PFKFB3: variants seen among roughly 807,000 people sequenced by gnomAD.
The protein encoded by PFKFB3 is 6-phosphofructo-2-kinase/fructose-2,6-biphosphatase 3.
PFKFB3 carries 33 observed loss-of-function variants against 68.0 expected under a neutral mutation model. That is an observed-to-expected ratio of 0.49 (90% CI 0.37 to 0.65). PFKFB3 has a LOEUF of 0.65. Ranked by LOEUF, PFKFB3 falls within the 30% of genes least tolerant of loss-of-function variation. The probability of loss-of-function intolerance (pLI) is 0.00; values close to 1 mark genes in which losing one functional copy is unlikely to be tolerated. For missense variants in PFKFB3, 586 were observed against 712.2 expected, an observed-to-expected ratio of 0.82 and a Z score of 2.02; for synonymous variants, 315 against 288.2, an observed-to-expected ratio of 1.09 and a Z score of -0.94.
intron 1 of PFKFB3, among the ~76,000 whole-genome samples, chr10:6,168,242 T>C (rs968959571): frequency 1.1e-4 from 16 of 152,194 alleles, no homozygotes; most frequent in Admixed American, 3.9e-4. Flanking sequence ...TCCACTTTGC[T>C]CCCACTTGCT....
At position 6,196,664 on chromosome 10, in the gene PFKFB3, C is replaced by T. The variant is rs574560065; in HGVS notation, c.17-16959C>T. On this transcript the variant is annotated intron_variant, in intron 1 of 14. Transcript: ENST00000379789. ...CCACGGTCTTCTGCCTGCTTTTGTT[C>T]GGGCCCTGCTGGCAGCTGATTAGAT... Among the ~76,000 whole-genome samples the T allele has an allele frequency of 1.2e-3, 180 of 152,216 alleles. 2 individuals are homozygous for T. The highest frequency in any genetic ancestry group is 4.0e-3 in the African/African-American group (168 of 41,534).
At chr10:6,297,625 G>C in the PFKFB3 span, among the ~76,000 whole-genome samples, 4 of 152,218 alleles carry the variant, frequency 2.6e-5, no homozygotes, top group Admixed American at 6.5e-5. Flanking sequence ...TGAGGGGTAC[G>C]TGGAGGACGT....
intron 1 of PFKFB3, among the ~76,000 whole-genome samples, chr10:6,205,644 C>T (rs997757175): frequency 2.0e-5 from 3 of 152,124 alleles, no homozygotes; most frequent in African/African-American, 7.2e-5. Context: ...CCGCCCACCT[C>T]AGCCTCCCAA....
intron 1 of PFKFB3, among the ~76,000 whole-genome samples, chr10:6,196,671 T>G (rs908408023): frequency 6.6e-6 from 1 of 152,162 alleles, no homozygotes; most frequent in African/African-American, 2.4e-5. Context: ...GTTCGGGCCC[T>G]GCTGGCAGCT....
At chr10:6,255,792 G>C (rs1237436119), downstream of PFKFB3, among the ~76,000 whole-genome samples, 1 of 152,202 alleles carries the variant, frequency 6.6e-6, no homozygotes, top group Non-Finnish European at 1.5e-5. Context: ...GTACGAAGCT[G>C]ATGGAAAAGT....
In PFKFB3 at chr10:6,224,084, G is replaced by A. The variant is rs56080569; in HGVS notation, c.1276+64G>A. ...GTGGCCACAGTAGCTTCTTGTGGCC[G>A]TGGGCTGTAAGCGGTGCTGTCCCTT... is the stretch of plus-strand genomic sequence containing the variant. On this transcript the variant is annotated intron_variant, in intron 12 of 14. Coordinates refer to ENST00000379775, the MANE Select transcript of PFKFB3 (RefSeq NM_004566.4). 6.7e-4 allele frequency: 1,075 copies of A among 1,609,828 alleles called. 6 individuals are homozygous for A. In the African/African-American group the frequency reaches 0.012, roughly 18 times the overall value.
chr10:6,246,470 G>A (rs1846263237), intron 14 of PFKFB3, among the ~76,000 whole-genome samples: 1 of 151,522 alleles, frequency 6.6e-6, no homozygotes, highest in South Asian at 2.1e-4. Flanking sequence ...CTCCTGCGTA[G>A]CTGGGACTGC....
At chr10:6,252,321 T>A (rs1846400187) in intron 14 of PFKFB3, among the ~76,000 whole-genome samples, 1 of 152,228 alleles carries the variant, frequency 6.6e-6, no homozygotes, top group African/African-American at 2.4e-5. Context: ...TCCTTTGCGA[T>A]TTTTTTCTTT....
chr10:6,200,682 G>GGGGGGGGGGGGGGGGGGT (rs1843316340), upstream of PFKFB3, among the ~76,000 whole-genome samples: 1 of 101,436 alleles, frequency 9.9e-6, no homozygotes, highest in Non-Finnish European at 2.3e-5. Context: ...GGGGCGGGGG[G>GGGGGGGGGGGGGGGGGGT]TGGTGGTGGG....
the PFKFB3 span, among the ~76,000 whole-genome samples, chr10:6,275,771 C>T: frequency 6.6e-6 from 1 of 152,112 alleles, no homozygotes; most frequent in Non-Finnish European, 1.5e-5. The surrounding 1 kb of genome is among the most constrained non-coding windows in gnomAD (Gnocchi z 4.9). Flanking sequence ...TGGGCCACCA[C>T]GCCCGGCTAA....
chr10:6,191,335 G>A (rs1214058900), intron 1 of PFKFB3, among the ~76,000 whole-genome samples: 1 of 152,238 alleles, frequency 6.6e-6, no homozygotes, highest in Non-Finnish European at 1.5e-5. Flanking sequence ...AAGACCCGTT[G>A]CGTGCCAAGG....
At chr10:6,275,168 C>A in the PFKFB3 span, among the ~76,000 whole-genome samples, 1 of 152,204 alleles carries the variant, frequency 6.6e-6, no homozygotes, top group Non-Finnish European at 1.5e-5. This position sits in a 1 kb window ranked among gnomAD's most constrained non-coding sequence, Gnocchi z 4.9. Context: ...ACTTGGGGGC[C>A]TTGTGCCAGG....
At chr10:6,308,536 A>C in the PFKFB3 span, among the ~76,000 whole-genome samples, 36 of 152,318 alleles carry the variant, frequency 2.4e-4, no homozygotes, top group African/African-American at 7.9e-4. Context: ...TAAAATAAAC[A>C]GGGAAGAAAA....
rs371431289 is a variant in PFKFB3 at position 6,166,824 on chromosome 10, T to C, written c.16+21811T>C. 4.9e-3 allele frequency among the ~76,000 whole-genome samples: 378 copies of C among 76,994 alleles called. 7 individuals carry two copies. In the South Asian group the frequency reaches 0.13, roughly 27 times the overall value. The allele number at this position is 76,994 out of a possible 152,430, so 50.5% of individuals were successfully genotyped here. On this transcript the variant is annotated intron_variant, in intron 1 of 14. Coordinates refer to the PFKFB3 transcript ENST00000379789. ...ACTTCTCCTAGCCCTTCTTCTTCTT[T>C]TTTTTTTTTTTTTTTTTTATTTGAG... is the stretch of plus-strand genomic sequence containing the variant.
chr10:6,219,989 TACAGGAA>T (rs1246619682), intron 7 of PFKFB3, among the ~76,000 whole-genome samples: 1 of 152,092 alleles, frequency 6.6e-6, no homozygotes, highest in Non-Finnish European at 1.5e-5. Flanking sequence ...TGTGTAGAAG[TACAGGAA>T]GTCAACATAG....
intron 1 of PFKFB3, among the ~76,000 whole-genome samples, chr10:6,148,118 G>A (rs968356391): frequency 6.6e-5 from 10 of 152,202 alleles, no homozygotes; most frequent in South Asian, 2.1e-4. Flanking sequence ...AAGACATGGT[G>A]TCTCCTCCCT....
chr10:6,237,166 A>G (rs117465892), downstream of PFKFB3, among the ~76,000 whole-genome samples: 2 of 152,210 alleles, frequency 1.3e-5, no homozygotes, highest in Non-Finnish European at 2.9e-5. Context: ...CCATTCAGTT[A>G]TCAAAGCCTA....
intron 1 of PFKFB3, among the ~76,000 whole-genome samples, chr10:6,156,275 T>A (rs984636863): frequency 1.3e-5 from 2 of 150,912 alleles, no homozygotes; most frequent in African/African-American, 4.9e-5. Context: ...TGCTTCAGCA[T>A]CCTGAGTAGC....
intron 14 of PFKFB3, among the ~76,000 whole-genome samples, chr10:6,226,665 A>G (rs899984141): frequency 2.6e-5 from 4 of 152,228 alleles, no homozygotes; most frequent in Non-Finnish European, 4.4e-5. Context: ...GGGCAGAAGC[A>G]GGCAGTGCAG....
Sources: allele counts gnomAD v4.1 joint callset (sites outside exome capture counted in the v4.1 genomes callset), GRCh38; gene constraint gnomAD v4.1.1; non-coding constraint Gnocchi (gnomAD v3.1); transcripts MANE v1.5; gene names NCBI Gene and HGNC (gene_info 2026-07-23, HGNC 2026-07-21).